PDE8B: variants seen among roughly 807,000 people sequenced by gnomAD.
PDE8B encodes high affinity cAMP-specific and IBMX-insensitive 3',5'-cyclic phosphodiesterase 8B.
PDE8B carries 26 observed loss-of-function variants against 101.3 expected under a neutral mutation model. The ratio of observed to expected loss-of-function variants is 0.26; its 90% CI spans 0.19 to 0.36. PDE8B has a LOEUF of 0.36. Ranked by LOEUF, PDE8B falls within the 10% of genes least tolerant of loss-of-function variation. The probability of loss-of-function intolerance (pLI) is 1.00; values close to 1 mark genes in which losing one functional copy is unlikely to be tolerated. For missense variants in PDE8B, 810 were observed against 1,163.1 expected (o/e 0.70, Z 4.42); for synonymous variants, 424 against 429.3 (o/e 0.99, Z 0.15).
rs575794500 is a variant in PDE8B at position 77,421,993 on chromosome 5, G to A, written c.2418+5G>A. 11 of 1,613,260 alleles carry A rather than the reference G, an allele frequency of 6.8e-6. No homozygotes were observed. Among genetic ancestry groups the A allele is most frequent in the African/African-American group, 1.3e-5 (1 of 75,054 alleles). On this transcript the variant is annotated splice_donor_5th_base_variant and intron_variant, in intron 20 of 21. Coordinates refer to ENST00000264917, the MANE Select transcript of PDE8B (RefSeq NM_003719.5). ...TCTGAGGAGTATTTTGCACAGGTGCGCCATCTTTCCAGGGAAGCTCCACTT... is the reference window on the plus strand; with the variant it reads ...TCTGAGGAGTATTTTGCACAGGTGCACCATCTTTCCAGGGAAGCTCCACTT...
chr5:77,312,321 C>T (rs746815669), intron 2 of PDE8B, among the ~76,000 whole-genome samples: 1 of 152,082 alleles, frequency 6.6e-6, no homozygotes, highest in Non-Finnish European at 1.5e-5. Flanking sequence ...CCAGACTGGT[C>T]TCAAACTCCT....
intron 1 of PDE8B, among the ~76,000 whole-genome samples, chr5:77,262,433 T>A (rs1253487433): frequency 1.3e-5 from 2 of 152,240 alleles, no homozygotes; most frequent in Non-Finnish European, 2.9e-5. Context: ...CCTCTCGCTT[T>A]GTACCCCTAC....
At chr5:77,256,284 A>G (rs1759159149) in intron 1 of PDE8B, among the ~76,000 whole-genome samples, 1 of 152,176 alleles carries the variant, frequency 6.6e-6, no homozygotes, top group Admixed American at 6.5e-5. Flanking sequence ...ACTTTTATTC[A>G]CAATCATATC....
At chr5:77,262,402 C>A (rs1400178303) in intron 1 of PDE8B, among the ~76,000 whole-genome samples, 1 of 152,142 alleles carries the variant, frequency 6.6e-6, no homozygotes, top group African/African-American at 2.4e-5. Context: ...AGAATAGAAC[C>A]AAGAAAGGAA....
At chr5:77,095,167 G>GT in the PDE8B span, among the ~76,000 whole-genome samples, 2,443 of 151,212 alleles carry the variant, frequency 0.016, 70 homozygotes, top group African/African-American at 0.054. Context: ...TTTCCCAGAT[G>GT]TTTTTTTTTG....
chr5:77,297,327 C>G (rs1198847952), intron 1 of PDE8B, among the ~76,000 whole-genome samples: 3 of 152,208 alleles, frequency 2.0e-5, no homozygotes, highest in Admixed American at 6.5e-5. Flanking sequence ...CATAGCACCC[C>G]TCACCACTAC....
the PDE8B span, chr5:77,086,940 C>T: frequency 1.3e-5 from 2 of 152,314 alleles, no homozygotes; most frequent in African/African-American, 2.4e-5. Flanking sequence ...CCGGGCCCAC[C>T]TGCTTTCTCA....
the PDE8B span, among the ~76,000 whole-genome samples, chr5:77,168,975 T>C: frequency 5.9e-5 from 9 of 152,246 alleles, no homozygotes; most frequent in African/African-American, 1.9e-4. Flanking sequence ...TGCAGAGGTC[T>C]GATAAGAGAG....
the PDE8B span, among the ~76,000 whole-genome samples, chr5:77,121,249 G>T: frequency 0.67 from 101,663 of 152,020 alleles, 34,195 homozygotes; most frequent in South Asian, 0.82. Flanking sequence ...AGATCCACTT[G>T]CAAGGTGGTG....
intron 1 of PDE8B, among the ~76,000 whole-genome samples, chr5:77,286,370 G>A (rs946903302): frequency 3.3e-5 from 5 of 152,156 alleles, no homozygotes; most frequent in Admixed American, 6.5e-5. Context: ...TAGTAACTCT[G>A]GTTGCCCCAG....
chr5:77,407,528 C>A, intron 13 of PDE8B, 71 bp downstream of exon 13: 1 of 1,065,732 alleles, frequency 9.4e-7, no homozygotes, highest in Non-Finnish European at 1.5e-6. Flanking sequence ...GAAAATACAT[C>A]ACACTGACAT....
intron 2 of PDE8B, among the ~76,000 whole-genome samples, chr5:77,320,359 T>C (rs1395420907): frequency 1.3e-5 from 2 of 152,224 alleles, no homozygotes; most frequent in Non-Finnish European, 2.9e-5. Context: ...TTGGCTGAGC[T>C]CTGCTCCAGA....
At chr5:77,128,178 C>G in the PDE8B span, among the ~76,000 whole-genome samples, 1 of 152,198 alleles carries the variant, frequency 6.6e-6, no homozygotes, top group Non-Finnish European at 1.5e-5. Flanking sequence ...CAGAGCCTCT[C>G]CCTTCCACCT....
intron 5 of PDE8B, among the ~76,000 whole-genome samples, chr5:77,336,418 T>G (rs1369742719): frequency 6.6e-6 from 1 of 152,212 alleles, no homozygotes; most frequent in Non-Finnish European, 1.5e-5. Context: ...CAACCACCAG[T>G]CTGCATTCTG....
chr5:77,407,301 G>A (rs1793663250), intron 12 of PDE8B, 80 bp from the exon 13 acceptor site: 1 of 1,034,474 alleles, frequency 9.7e-7, no homozygotes, highest in Admixed American at 1.7e-5. Context: ...GCGGGCCCTG[G>A]TCCATGAAGG....
upstream of PDE8B, chr5:77,210,616 G>A: frequency 2.0e-6 from 2 of 981,966 alleles, no homozygotes; most frequent in Non-Finnish European, 2.4e-6. The surrounding 1 kb of genome is among the most constrained non-coding windows in gnomAD (Gnocchi z 4.9). Flanking sequence ...AGGCGGAGGC[G>A]CGGGGAGCGT....
intron 10 of PDE8B, among the ~76,000 whole-genome samples, chr5:77,380,902 A>G (rs141762564): frequency 6.6e-6 from 1 of 152,338 alleles, no homozygotes; most frequent in Non-Finnish European, 1.5e-5. Context: ...TTGAGCTAAG[A>G]TCTGGAAGAC....
intron 10 of PDE8B, among the ~76,000 whole-genome samples, chr5:77,393,865 T>C (rs1033187992): frequency 6.6e-6 from 1 of 150,458 alleles, no homozygotes; most frequent in African/African-American, 2.5e-5. Flanking sequence ...GCCGGGAACC[T>C]TGTAAGGAAC....
intron 1 of PDE8B, among the ~76,000 whole-genome samples, chr5:77,217,345 C>G (rs1248585833): frequency 1.3e-5 from 2 of 151,426 alleles, no homozygotes; most frequent in Non-Finnish European, 2.9e-5. Context: ...ATAACCTTCT[C>G]TCCACAGACT....
Sources: allele counts gnomAD v4.1 joint callset (sites outside exome capture counted in the v4.1 genomes callset), GRCh38; gene constraint gnomAD v4.1.1; non-coding constraint Gnocchi (gnomAD v3.1); transcripts MANE v1.5; gene names NCBI Gene and HGNC (gene_info 2026-07-23, HGNC 2026-07-21).